PLA2R1: variants seen among roughly 807,000 people sequenced by gnomAD.
PLA2R1 encodes secretory phospholipase A2 receptor.
A neutral mutation model predicts 195.9 loss-of-function variants in PLA2R1; 158 were observed. That is an observed-to-expected ratio of 0.81 (90% confidence interval 0.71 to 0.92). The LOEUF (loss-of-function observed/expected upper bound fraction) is 0.92, where lower values mean the gene tolerates loss of function less well. Ranked by LOEUF, PLA2R1 falls within the 40% of genes least tolerant of loss-of-function variation. The pLI is 0.00. For synonymous variants in PLA2R1, 586 were observed against 598.2 expected, an observed-to-expected ratio of 0.98 and a Z score of 0.30; for missense variants, 1,626 against 1,764.6, an observed-to-expected ratio of 0.92 and a Z score of 1.41.
intron 11 of PLA2R1, among the ~76,000 whole-genome samples, chr2:159,989,524 C>T (rs935631468): frequency 6.6e-6 from 1 of 152,170 alleles, no homozygotes; most frequent in East Asian, 1.9e-4. Context: ...GGACTTGGAG[C>T]GTGAAGTTTG....
intron 27 of PLA2R1, chr2:159,945,807 G>C: frequency 1.0e-6 from 1 of 980,506 alleles, no homozygotes; most frequent in Non-Finnish European, 1.2e-6. Flanking sequence ...TCAAAAGGTA[G>C]GCATTAATAA....
In PLA2R1 at chr2:159,979,920, A is replaced by C; in HGVS notation, c.2184-6T>G. Reference sequence around the variant, plus strand: ...AGAACTGCCTTTCTTCTGTCCTGTAAAGAGAAGAAACAAAAGCTTTGCCTT... The same window carrying C: ...AGAACTGCCTTTCTTCTGTCCTGTACAGAGAAGAAACAAAAGCTTTGCCTT... On this transcript the variant is annotated splice_polypyrimidine_tract_variant and splice_region_variant and intron_variant, in intron 13 of 29. Coordinates refer to ENST00000283243, the MANE Select transcript of PLA2R1 (RefSeq NM_007366.5). 2.6e-6 allele frequency: 4 copies of C among 1,546,620 alleles called. No homozygotes were observed. In the East Asian group the frequency reaches 9.0e-5, roughly 35 times the overall value.
rs777741310 is a variant in PLA2R1, at chr2:159,956,569, T to C, written c.2963A>G (p.Gln988Arg). The C allele has an allele frequency of 1.9e-6, 3 of 1,613,906 alleles. No homozygotes were observed. In the South Asian group the frequency reaches 3.3e-5, roughly 18 times the overall value. The change falls in exon 21 of 30, where the codon CAA becomes CGA. Residue 988 changes from glutamine to arginine, a missense_variant. Gln to Arg is a conservative substitution (Grantham distance 43). Transcript: ENST00000283243. Reference protein sequence around the residue: ...PSSWKNWTHAQHFCAEEGGTL... With the variant: ...PSSWKNWTHARHFCAEEGGTL... The stretch of plus-strand genomic sequence containing the variant: ...CCCCCCTTCTTCAGCACAGAAATGT[T>C]GAGCATGCGTCCAGTTCTTCCAACT...
At position 159,941,148 on chromosome 2, in the gene PLA2R1, A is replaced by G. The variant is rs1687067141; in HGVS notation, c.*630T>C. The stretch of plus-strand genomic sequence containing the variant: ...AATGAAGGTCTTTGCCATTTAAAAG[A>G]AGGTATTTTTCTTTCTCCTTTAGCT... On this transcript the variant is annotated 3_prime_UTR_variant, in exon 30 of 30. Transcript: ENST00000283243. 6.6e-6 allele frequency: 1 copy of G among 152,200 alleles called. No individual in the cohort carries two copies. The highest frequency in any genetic ancestry group is 2.4e-5 in the African/African-American group (1 of 41,452). The allele number at this position is 152,200 out of a possible 1,614,324, so 9.4% of individuals were successfully genotyped here.
intron 20 of PLA2R1, among the ~76,000 whole-genome samples, chr2:159,960,405 C>G (rs1303886265): frequency 1.3e-5 from 2 of 152,060 alleles, no homozygotes; most frequent in African/African-American, 4.8e-5. Flanking sequence ...TCTGTTTTTC[C>G]TCACCACTGA....
chr2:160,003,651 C>G (rs565791514), intron 11 of PLA2R1, among the ~76,000 whole-genome samples: 1 of 152,054 alleles, frequency 6.6e-6, no homozygotes, highest in South Asian at 2.1e-4. Flanking sequence ...TCAGTATTGA[C>G]AAAAATGTGG....
intron 20 of PLA2R1, among the ~76,000 whole-genome samples, chr2:159,961,410 G>C (rs759347369): frequency 6.6e-6 from 1 of 152,162 alleles, no homozygotes; most frequent in Non-Finnish European, 1.5e-5. Context: ...AAATACGGAT[G>C]CCTGGATCCC....
chr2:160,050,289 T>C lies in PLA2R1; in HGVS notation c.110-5132A>G, dbSNP rs1262817256. 3.3e-5 allele frequency among the ~76,000 whole-genome samples: 5 copies of C among 152,322 alleles called. No homozygotes were observed. The South Asian group carries it at 1.0e-3, about 32-fold the overall frequency. On this transcript the variant is annotated intron_variant, in intron 1 of 29. Coordinates refer to ENST00000283243, the MANE Select transcript of PLA2R1 (RefSeq NM_007366.5). ...TCTGAGCGGGGAGTGTGCACACACA[T>C]GTACTTGCCCACTTTCTAGGGAGGA...
At chr2:159,961,655 C>T (rs564559710) in intron 20 of PLA2R1, among the ~76,000 whole-genome samples, 14 of 152,232 alleles carry the variant, frequency 9.2e-5, no homozygotes, top group African/African-American at 3.4e-4. Flanking sequence ...ATATTTATTC[C>T]CCTCTCTATT....
intron 20 of PLA2R1, among the ~76,000 whole-genome samples, chr2:159,965,868 T>C (rs1688754878): frequency 6.6e-6 from 1 of 152,172 alleles, no homozygotes; most frequent in Non-Finnish European, 1.5e-5. Flanking sequence ...TCACTCATTG[T>C]TGTTTTAATT....
chr2:160,053,545 C>A (rs569844577), intron 1 of PLA2R1, among the ~76,000 whole-genome samples: 1 of 152,240 alleles, frequency 6.6e-6, no homozygotes, highest in Non-Finnish European at 1.5e-5. Flanking sequence ...AATACAGTAC[C>A]TGGATTGAGG....
At chr2:160,042,826 TGTGTGTGTGTG>T (rs1694612116) in intron 2 of PLA2R1, among the ~76,000 whole-genome samples, 1 of 117,260 alleles carries the variant, frequency 8.5e-6, no homozygotes, top group Admixed American at 9.5e-5. Flanking sequence ...TGTGTGTGTG[TGTGTGTGTGTG>T]TGTGTATGTG....
At chr2:159,950,595 C>A (rs1244554391) in intron 24 of PLA2R1, among the ~76,000 whole-genome samples, 1 of 152,102 alleles carries the variant, frequency 6.6e-6, no homozygotes, top group African/African-American at 2.4e-5. Flanking sequence ...TTTTTATGTG[C>A]TGACATGTGA....
chr2:160,027,421 T>C (rs1217621040), intron 6 of PLA2R1, among the ~76,000 whole-genome samples: 2 of 152,286 alleles, frequency 1.3e-5, no homozygotes, highest in Admixed American at 1.3e-4. Flanking sequence ...GAAAAATCTC[T>C]ACATAAAAAA....
At chr2:159,928,072 A>G (rs1332730741), downstream of PLA2R1, among the ~76,000 whole-genome samples, 1 of 152,198 alleles carries the variant, frequency 6.6e-6, no homozygotes, top group African/African-American at 2.4e-5. Context: ...GAACTTAAAG[A>G]TGACCATTAT....
chr2:159,929,807 C>G (rs1423570932), downstream of PLA2R1, among the ~76,000 whole-genome samples: 3 of 150,244 alleles, frequency 2.0e-5, no homozygotes, highest in Non-Finnish European at 1.5e-5. Flanking sequence ...ATGTATATAT[C>G]TATATGTATA....
chr2:160,057,396 T>C (rs1194202274), intron 1 of PLA2R1, among the ~76,000 whole-genome samples: 1 of 152,204 alleles, frequency 6.6e-6, no homozygotes, highest in African/African-American at 2.4e-5. Context: ...CTGAGTGACC[T>C]TCAGTGGGCC....
the PLA2R1 span, among the ~76,000 whole-genome samples, chr2:159,925,198 C>CA: frequency 4.6e-5 from 4 of 86,754 alleles, no homozygotes; most frequent in African/African-American, 1.1e-4. Context: ...TAAAAAAAAA[C>CA]AAACAAACAA....
rs140427239 is a variant in PLA2R1, at chr2:160,016,669, T to C, written c.1496A>G (p.Tyr499Cys). The C allele has an allele frequency of 4.0e-4, 649 of 1,609,314 alleles. No individual in the cohort carries two copies. The Middle Eastern group carries it at 6.1e-3, about 15-fold the overall frequency. ...KVKNCEERLFYICKKAGHVLS... is the reference protein window; with the variant it reads ...KVKNCEERLFCICKKAGHVLS... Reference sequence around the variant, plus strand: ...GACATGGCCTGCTTTTTTACAAATGTAAAAAAGTCTTTCTTCACAATTTTT... The same window carrying C: ...GACATGGCCTGCTTTTTTACAAATGCAAAAAAGTCTTTCTTCACAATTTTT... The change falls in exon 9 of 30, where the codon TAC becomes TGC. Residue 499 changes from tyrosine (Y) to cysteine (C), a missense_variant. Transcript: ENST00000283243.
Sources: allele counts gnomAD v4.1 joint callset (sites outside exome capture counted in the v4.1 genomes callset), GRCh38; gene constraint gnomAD v4.1.1; transcripts MANE v1.5; gene names NCBI Gene and HGNC (gene_info 2026-07-23, HGNC 2026-07-21).